Variants in PLCE1 observed in about 807,000 individuals in gnomAD.
PLCE1 encodes phospholipase C epsilon 1.
A neutral mutation model predicts 242.8 loss-of-function variants in PLCE1; 119 were observed. The observed-to-expected ratio is 0.49, with a 90% CI of 0.42 to 0.57. The LOEUF is 0.57. Among genes scored for constraint, PLCE1 ranks in the 20% least tolerant of loss-of-function variants. The pLI, the probability that PLCE1 is intolerant of heterozygous loss-of-function variation, is 0.00. For missense variants in PLCE1, 2,441 were observed against 2,788.8 expected (o/e 0.88, Z 2.81); for synonymous variants, 945 against 1,017.4 (o/e 0.93, Z 1.35).
intron 2 of PLCE1, among the ~76,000 whole-genome samples, chr10:94,128,609 GT>G (rs2046504691): frequency 6.6e-6 from 1 of 152,174 alleles, no homozygotes; most frequent in Non-Finnish European, 1.5e-5. Context: ...ATTTATATAT[GT>G]TTATTAATAG....
intron 4 of PLCE1, among the ~76,000 whole-genome samples, chr10:94,205,286 G>A (rs959096058): frequency 6.6e-6 from 1 of 152,002 alleles, no homozygotes; most frequent in Non-Finnish European, 1.5e-5. Flanking sequence ...TAATAATAGT[G>A]GGGGAAGAAG....
chr10:94,220,379 TATATATATA>T (rs1564800269), intron 4 of PLCE1, among the ~76,000 whole-genome samples: 17 of 30,962 alleles, frequency 5.5e-4, no homozygotes, highest in Non-Finnish European at 6.9e-4. Flanking sequence ...AAACATTTTA[TATATATATA>T]TATATATATA....
At chr10:94,286,994 C>T (rs553955590) in intron 22 of PLCE1, 1 of 152,304 alleles carries the variant, frequency 6.6e-6, no homozygotes, top group East Asian at 1.9e-4. Context: ...CTTTTCTTCT[C>T]AAGCACTCAG....
intron 2 of PLCE1, among the ~76,000 whole-genome samples, chr10:94,125,848 T>C (rs1378092452): frequency 1.3e-5 from 2 of 152,172 alleles, no homozygotes; most frequent in African/African-American, 4.8e-5. Context: ...TTTTTGACTT[T>C]AGTAGAAGTC....
intron 3 of PLCE1, chr10:94,155,578 A>G (rs2047406233): frequency 6.6e-6 from 1 of 152,086 alleles, no homozygotes; most frequent in Admixed American, 6.5e-5. Flanking sequence ...ATAGTTACAC[A>G]ACTCTGTGAA....
At chr10:94,015,640 T>C (rs2061263723) in intron 1 of PLCE1, among the ~76,000 whole-genome samples, 1 of 152,174 alleles carries the variant, frequency 6.6e-6, no homozygotes, top group Non-Finnish European at 1.5e-5. Context: ...AAAAGCTTCC[T>C]GACTAGAACG....
chr10:94,102,119 A>C (rs1468784112), intron 2 of PLCE1, among the ~76,000 whole-genome samples: 1 of 152,240 alleles, frequency 6.6e-6, no homozygotes, highest in Non-Finnish European at 1.5e-5. Flanking sequence ...TTGTCACATC[A>C]GTAGCAACAA....
intron 2 of PLCE1, among the ~76,000 whole-genome samples, chr10:94,048,748 C>G (rs966798330): frequency 1.4e-5 from 2 of 147,296 alleles, no homozygotes; most frequent in Non-Finnish European, 3.0e-5. Flanking sequence ...TATATACACA[C>G]ATATATATAG....
intron 4 of PLCE1, among the ~76,000 whole-genome samples, chr10:94,173,761 G>A (rs1331996359): frequency 6.6e-6 from 1 of 152,110 alleles, no homozygotes; most frequent in Non-Finnish European, 1.5e-5. Context: ...ACTTCAGAAC[G>A]TAAACAAGAT....
chr10:94,238,406 TA>T (rs1413367506), intron 7 of PLCE1, among the ~76,000 whole-genome samples: 5 of 152,236 alleles, frequency 3.3e-5, no homozygotes, highest in African/African-American at 1.2e-4. Flanking sequence ...CTTGTCTGAC[TA>T]ATAAACAGTA....
intron 1 of PLCE1, among the ~76,000 whole-genome samples, chr10:94,015,543 G>T (rs547443386): frequency 6.6e-6 from 1 of 152,162 alleles, no homozygotes; most frequent in Non-Finnish European, 1.5e-5. Context: ...GCCCCACTGG[G>T]AACAGGGCAG....
In PLCE1 at chr10:94,328,160, G is replaced by A; in HGVS notation, c.*217G>A. 3.3e-6 allele frequency: 1 copy of A among 299,030 alleles called. No homozygotes were observed. Among genetic ancestry groups the A allele is most frequent in the Non-Finnish European group, 7.2e-6 (1 of 139,738 alleles). 18.5% of individuals were successfully genotyped at this position (299,030 alleles called of 1,614,324 possible). A position where few individuals can be genotyped will look rare whatever the true frequency, so the allele number is the denominator to read the frequency against. ...ATTTACTGATGAATGAAGCCCAGGG[G>A]ACTGCCATTTTATAAATGTCAGCAG... is the stretch of plus-strand genomic sequence containing the variant. On this transcript the variant is annotated 3_prime_UTR_variant, in exon 33 of 33. Coordinates refer to ENST00000371380, the MANE Select transcript of PLCE1 (RefSeq NM_016341.4).
chr10:94,140,304 G>A (rs1453755140), intron 3 of PLCE1, among the ~76,000 whole-genome samples: 3 of 151,450 alleles, frequency 2.0e-5, no homozygotes, highest in Admixed American at 6.6e-5. Flanking sequence ...AGGTCGAGGC[G>A]AGCACATCAC....
At chr10:94,231,599 A>G (rs1044733322) in intron 5 of PLCE1, among the ~76,000 whole-genome samples, 2 of 151,870 alleles carry the variant, frequency 1.3e-5, no homozygotes, top group African/African-American at 4.8e-5. Context: ...TATAAAAAAA[A>G]AAAAAGCAAG....
chr10:94,023,248 C>T (rs528915808), intron 1 of PLCE1, among the ~76,000 whole-genome samples: 65 of 152,276 alleles, frequency 4.3e-4, no homozygotes, highest in African/African-American at 1.3e-3. Flanking sequence ...CAATAAATTG[C>T]ACAAAATCCA....
chr10:94,285,761 A>G (rs924577767), intron 22 of PLCE1, among the ~76,000 whole-genome samples: 4 of 152,190 alleles, frequency 2.6e-5, no homozygotes, highest in Non-Finnish European at 1.5e-5. Context: ...CTCCACTCTG[A>G]GCTGGGTAGC....
chr10:94,091,856 TA>T (rs972803820), intron 2 of PLCE1, among the ~76,000 whole-genome samples: 17 of 151,264 alleles, frequency 1.1e-4, no homozygotes, highest in Non-Finnish European at 1.9e-4. Context: ...CTGGCCAAGC[TA>T]AAAAAAAATC....
intron 2 of PLCE1, among the ~76,000 whole-genome samples, chr10:94,115,452 G>C (rs924927325): frequency 1.3e-5 from 2 of 152,052 alleles, no homozygotes; most frequent in African/African-American, 4.8e-5. Context: ...TTTTAATGAT[G>C]GCCATTCTAA....
At chr10:94,146,599 C>T (rs957568172) in intron 3 of PLCE1, among the ~76,000 whole-genome samples, 2 of 152,046 alleles carry the variant, frequency 1.3e-5, no homozygotes, top group Admixed American at 6.6e-5. Context: ...GATCCGTAGC[C>T]CTGACTTGAA....
Sources: gnomAD v4.1 joint callset for allele counts (sites outside exome capture counted in the v4.1 genomes callset) on GRCh38, gnomAD v4.1.1 for gene constraint, MANE v1.5 for transcripts, NCBI Gene and HGNC (gene_info 2026-07-23, HGNC 2026-07-21) for gene names.